Variants in SNURF observed in about 807,000 individuals in gnomAD.
SNURF encodes the protein SNURF protein.
In SNURF, 6 loss-of-function variants were observed where a neutral mutation model predicts 11.6. The observed-to-expected ratio is 0.52, with a 90% CI of 0.28 to 1.02. The LOEUF is 1.02. SNURF is among the 50% of genes least tolerant of loss of function. The pLI is 0.09. For missense variants in SNURF, 84 were observed against 88.4 expected (o/e 0.95, Z 0.20); for synonymous variants, 29 against 31.6 (o/e 0.92, Z 0.27).
intron 6 of SNURF, among the ~76,000 whole-genome samples, chr15:24,977,569 G>T (rs2153712394): frequency 6.6e-6 from 1 of 152,168 alleles, no homozygotes; most frequent in South Asian, 2.1e-4. Context: ...ACCCAGGAGT[G>T]GGAGGCTGCA....
At chr15:24,956,059 G>A (rs546910599) in intron 1 of SNURF, among the ~76,000 whole-genome samples, 1 of 152,210 alleles carries the variant, frequency 6.6e-6, no homozygotes, top group South Asian at 2.1e-4. Context: ...CTACACTGCC[G>A]CAGGGGCTGC....
At chr15:24,955,165 G>T (rs2062631500) in intron 1 of SNURF, 103 bp downstream of exon 1, 2 of 1,495,144 alleles carry the variant, frequency 1.3e-6, no homozygotes, top group Non-Finnish European at 1.8e-6. Context: ...TGAATAAACG[G>T]AATTTGGGCC....
chr15:24,957,942 G>C (rs2063191358), intron 1 of SNURF, among the ~76,000 whole-genome samples: 1 of 152,110 alleles, frequency 6.6e-6, no homozygotes, highest in African/African-American at 2.4e-5. Context: ...CAGTGAATTG[G>C]CTCTGTGCTA....
downstream of SNURF, chr15:24,977,912 T>C (rs1302728297): frequency 6.4e-7 from 1 of 1,561,950 alleles, no homozygotes; most frequent in African/African-American, 1.4e-5. Context: ...CAACCCCACC[T>C]CCAGGTAAGG....
intron 1 of SNURF, chr15:24,958,726 T>G (rs1188283636): frequency 6.5e-6 from 1 of 153,374 alleles, no homozygotes; most frequent in Non-Finnish European, 1.5e-5. Flanking sequence ...AACCTTATTT[T>G]TTTGTTTTTA....
At chr15:24,976,492 T>A in intron 5 of SNURF, 1 of 993,850 alleles carries the variant, frequency 1.0e-6, no homozygotes, top group Non-Finnish European at 1.6e-6. Flanking sequence ...GAAATCAGGG[T>A]AGAGCAGACA....
downstream of SNURF, among the ~76,000 whole-genome samples, chr15:24,972,682 G>T: frequency 6.6e-6 from 1 of 151,068 alleles, no homozygotes; most frequent in Non-Finnish European, 1.5e-5. Context: ...AGTATGATAA[G>T]CACTTCAAGA....
At chr15:24,960,636 A>C (rs2074620012) in intron 1 of SNURF, among the ~76,000 whole-genome samples, 1 of 152,134 alleles carries the variant, frequency 6.6e-6, no homozygotes, top group Non-Finnish European at 1.5e-5. Context: ...TTAGTGACTA[A>C]TGTTCAGCAT....
chr15:24,976,035 A>G (rs2077021314), intron 4 of SNURF, among the ~76,000 whole-genome samples: 1 of 152,226 alleles, frequency 6.6e-6, no homozygotes, highest in Non-Finnish European at 1.5e-5. Flanking sequence ...TGTTTTTCTT[A>G]AAAGGTATTT....
At chr15:24,961,685 A>G (rs1469617639) in intron 1 of SNURF, among the ~76,000 whole-genome samples, 2 of 152,162 alleles carry the variant, frequency 1.3e-5, no homozygotes, top group African/African-American at 4.8e-5. Flanking sequence ...ACTATGTTCT[A>G]TTCCACTATA....
At chr15:24,967,033 T>C (rs2075741755) in intron 2 of SNURF, 1 of 152,148 alleles carries the variant, frequency 6.6e-6, no homozygotes. Context: ...TTTCAGGTAG[T>C]GACTTGTCAG....
intron 2 of SNURF, among the ~76,000 whole-genome samples, chr15:24,966,561 C>G (rs758594857): frequency 4.6e-5 from 7 of 152,120 alleles, no homozygotes; most frequent in Admixed American, 1.3e-4. Flanking sequence ...TTTGTTTGAT[C>G]TTTTGTGGCC....
downstream of SNURF, among the ~76,000 whole-genome samples, chr15:24,972,590 C>T (rs1413555510): frequency 6.9e-6 from 1 of 144,980 alleles, no homozygotes; most frequent in African/African-American, 2.6e-5. Context: ...GCTGCCCAGG[C>T]TGGAGTGCAA....
At chr15:24,971,475 G>A (rs1422801668), downstream of SNURF, among the ~76,000 whole-genome samples, 3 of 151,946 alleles carry the variant, frequency 2.0e-5, no homozygotes, top group East Asian at 1.9e-4. Flanking sequence ...GCTGTAGGAG[G>A]TCAACTCCTA....
downstream of SNURF, among the ~76,000 whole-genome samples, chr15:24,972,342 A>G (rs1242703015): frequency 1.3e-5 from 2 of 152,084 alleles, no homozygotes; most frequent in Non-Finnish European, 2.9e-5. Context: ...ATCATAAGAT[A>G]ATATTCAAAA....
exon 3 of SNURF, chr15:24,968,054 C>G (rs372124469): frequency 3.7e-6 from 6 of 1,608,662 alleles, no homozygotes; most frequent in Non-Finnish European, 4.3e-6. Context: ...ATTGGAGTAG[C>G]GAGGAATCTG....
chr15:24,961,123 T>A (rs546319815), intron 1 of SNURF, among the ~76,000 whole-genome samples: 139 of 152,340 alleles, frequency 9.1e-4, no homozygotes, highest in African/African-American at 3.1e-3. Flanking sequence ...GTAATTCAGG[T>A]GTTATATTTA....
chr15:24,977,486 A>G (rs2077198575), intron 6 of SNURF, among the ~76,000 whole-genome samples: 1 of 152,094 alleles, frequency 6.6e-6, no homozygotes. Context: ...CTAAAAATAC[A>G]AAAATCAGCT....
At chr15:24,957,276 C>T (rs990054571) in intron 1 of SNURF, among the ~76,000 whole-genome samples, 3 of 152,186 alleles carry the variant, frequency 2.0e-5, no homozygotes, top group African/African-American at 7.2e-5. Flanking sequence ...GTTTCAAACA[C>T]TGGACCTCTT....
Sources: allele counts gnomAD v4.1 joint callset (sites outside exome capture counted in the v4.1 genomes callset), GRCh38; gene constraint gnomAD v4.1.1; transcripts MANE v1.5; gene names NCBI Gene and HGNC (gene_info 2026-07-23, HGNC 2026-07-21).